DCLRE1B: variants seen among roughly 807,000 people sequenced by gnomAD.
DCLRE1B encodes the protein DNA cross-link repair 1B, also known as 5' exonuclease Apollo.
In DCLRE1B, 6 loss-of-function variants were observed where a neutral mutation model predicts 19.8. That is an observed-to-expected ratio of 0.30 (90% CI 0.17 to 0.60). DCLRE1B has a LOEUF of 0.60. Ranked by LOEUF, DCLRE1B falls within the 20% of genes least tolerant of loss-of-function variation. The probability of loss-of-function intolerance (pLI) is 0.87; values close to 1 mark genes in which losing one functional copy is unlikely to be tolerated. For synonymous variants in DCLRE1B, 258 were observed against 255.7 expected, an observed-to-expected ratio of 1.01 and a Z score of -0.09; for missense variants, 622 against 654.2, an observed-to-expected ratio of 0.95 and a Z score of 0.54.
chr1:113,907,403 G>A (rs759815096), intron 2 of DCLRE1B, among the ~76,000 whole-genome samples: 2 of 151,690 alleles, frequency 1.3e-5, no homozygotes, highest in African/African-American at 4.9e-5. Context: ...TGGAGGCGCT[G>A]GAGGCCTTCT....
Position 113,912,137 on chromosome 1 carries a change from G to A in DCLRE1B, c.1545G>A (p.Gly515=), listed in dbSNP as rs941998508. 6.2e-7 allele frequency: 1 copy of A among 1,614,122 alleles called. No homozygotes were observed. Among genetic ancestry groups the A allele is most frequent in the Non-Finnish European group, 8.5e-7 (1 of 1,180,022 alleles). Residue 515 remains glycine (G), a synonymous_variant, in exon 4 of 4, where the codon GGG becomes GGA. Transcript: ENST00000650450. The part of the protein sequence containing the change: ...LLTPVNFFQA[G]YSSRRFDQQV... ...CTCCAGTGAACTTTTTCCAGGCAGGGTATTCTTCCAGGAGATTTGACCAGC... is the reference window on the plus strand; with the variant it reads ...CTCCAGTGAACTTTTTCCAGGCAGGATATTCTTCCAGGAGATTTGACCAGC...
In DCLRE1B at chr1:113,913,603, G is replaced by A. The variant is rs1374339515; in HGVS notation, c.*1412G>A. 1 of 152,618 alleles carries A rather than the reference G, an allele frequency of 6.6e-6. No homozygotes were observed. Among genetic ancestry groups the A allele is most frequent in the Non-Finnish European group, 1.5e-5 (1 of 68,040 alleles). The allele number at this position is 152,618 out of a possible 1,614,324, so 9.5% of individuals were successfully genotyped here. On this transcript the variant is annotated 3_prime_UTR_variant, in exon 4 of 4. Transcript: ENST00000650450. ...AGCCTAGTTCCTCATCTGTAAGATG[G>A]ACTTGAGATTCCTACCTCTCATGAT... is the stretch of plus-strand genomic sequence containing the variant.
At chr1:113,906,952 G>A (rs759237405) in intron 1 of DCLRE1B, 44 bp from the exon 2 acceptor site, 13 of 1,608,334 alleles carry the variant, frequency 8.1e-6, no homozygotes, top group Admixed American at 1.7e-5. Flanking sequence ...GGGAGGTAAC[G>A]GAGAGGAGTC....
At chr1:113,907,204 G>GTGTTTT in intron 2 of DCLRE1B, 43 bp downstream of exon 2, 1 of 491,100 alleles carries the variant, frequency 2.0e-6, no homozygotes, top group South Asian at 4.7e-5. Context: ...CAGACTAGAT[G>GTGTTTT]TTTTTTTTTT....
chr1:113,904,992 T>C (rs1178763474), upstream of DCLRE1B: 3 of 451,052 alleles, frequency 6.7e-6, no homozygotes, highest in Non-Finnish European at 1.2e-5. Context: ...CCGCTACTTC[T>C]AGGTCCTCCG....
At chr1:113,907,234 T>TTTTTTTTTTA (rs369506973) in intron 2 of DCLRE1B, 73 bp downstream of exon 2, 33 of 991,284 alleles carry the variant, frequency 3.3e-5, no homozygotes, top group South Asian at 7.7e-5. Context: ...TTTTTTTTTT[T>TTTTTTTTTTA]AATGTATAGA....
intron 1 of DCLRE1B, 68 bp downstream of exon 1, chr1:113,905,843 C>T (rs1668906431): frequency 2.0e-6 from 3 of 1,505,216 alleles, no homozygotes; most frequent in Non-Finnish European, 2.7e-6. Context: ...ACCTGTCATT[C>T]TTGGAGTCAT....
chr1:113,905,006 G>A, upstream of DCLRE1B: 1 of 438,924 alleles, frequency 2.3e-6, no homozygotes, highest in Admixed American at 3.5e-5. Flanking sequence ...TCCTCCGCCG[G>A]ATTTCCAGCG....
intron 1 of DCLRE1B, among the ~76,000 whole-genome samples, chr1:113,906,275 C>T (rs917163676): frequency 1.3e-5 from 2 of 151,498 alleles, no homozygotes; most frequent in African/African-American, 4.9e-5. Flanking sequence ...CCAGGCTGTT[C>T]TCTAACTCCT....
At chr1:113,904,832 G>A, upstream of DCLRE1B, 2 of 935,424 alleles carry the variant, frequency 2.1e-6, no homozygotes, top group Non-Finnish European at 3.5e-6. Context: ...AATACAAAAG[G>A]CGAGATCTCG....
rs1669355700 is a variant in DCLRE1B, at chr1:113,913,897, T to G, written c.*1706T>G. The G allele has an allele frequency of 6.6e-6, 1 of 152,216 alleles. No homozygotes were observed. The highest frequency in any genetic ancestry group is 1.5e-5 in the Non-Finnish European group (1 of 68,036). The allele number at this position is 152,216 out of a possible 1,614,324, so 9.4% of individuals were successfully genotyped here. On this transcript the variant is annotated 3_prime_UTR_variant, in exon 4 of 4. Transcript: ENST00000650450. ...AGTTGAGGTAATATTGTATAGAATT[T>G]TATAGCCTACATTTTAATTTCTTGA...
chr1:113,907,227 T>TG, intron 2 of DCLRE1B, 66 bp downstream of exon 2: 1 of 1,280,024 alleles, frequency 7.8e-7, no homozygotes, highest in South Asian at 1.6e-5. Flanking sequence ...TTTTTTTTTT[T>TG]TTTTTTTAAT....
Position 113,905,744 on chromosome 1 carries a change from T to C in DCLRE1B, c.158T>C (p.Ile53Thr). ...TWARPLYCSP[I>T]TAHLLHRHLQ... ...GCCCGGCCCCTCTACTGCTCCCCAATTACAGCCCACCTCTTGCATCGTCAC... is the reference window on the plus strand; with the variant it reads ...GCCCGGCCCCTCTACTGCTCCCCAACTACAGCCCACCTCTTGCATCGTCAC... Residue 53 changes from isoleucine (I) to threonine (T), a missense_variant, in exon 1 of 4, where the codon ATT becomes ACT. Ile to Thr is a moderately conservative substitution (Grantham distance 89, BLOSUM62 -1). Coordinates refer to ENST00000650450, the MANE Select transcript of DCLRE1B (RefSeq NM_022836.4). The C allele has an allele frequency of 6.2e-7, 1 of 1,613,904 alleles. No individual in the cohort carries two copies. Among genetic ancestry groups the C allele is most frequent in the African/African-American group, 1.3e-5 (1 of 75,010 alleles).
Position 113,911,468 on chromosome 1 carries a change from C to T in DCLRE1B, c.876C>T (p.Cys292=), listed in dbSNP as rs771795074. The T allele has an allele frequency of 1.9e-6, 3 of 1,614,162 alleles. No individual in the cohort carries two copies. The East Asian group carries it at 6.7e-5, about 36-fold the overall frequency. The change falls in exon 4 of 4, where the codon TGC becomes TGT. Residue 292 remains cysteine (C), a synonymous_variant. Coordinates refer to ENST00000650450, the MANE Select transcript of DCLRE1B (RefSeq NM_022836.4). ...CCTTTGTCGCAGCACTGAAGCCTTG[C>T]CAGGTGGTGCCCATTGTAAGTCGGC... ...LRAFVAALKP[C]QVVPIVSRRP...
intron 1 of DCLRE1B, among the ~76,000 whole-genome samples, chr1:113,906,132 C>T (rs1008520353): frequency 7.2e-6 from 1 of 138,434 alleles, no homozygotes; most frequent in Non-Finnish European, 1.5e-5. Flanking sequence ...TCTCGGCTCA[C>T]TGCAGCCTCC....
At position 113,912,373 on chromosome 1, in the gene DCLRE1B, A is replaced by G; in HGVS notation, c.*182A>G. On this transcript the variant is annotated 3_prime_UTR_variant, in exon 4 of 4. Transcript: ENST00000650450. Reference sequence around the variant, plus strand: ...TTCACTGGGGTCCTCGTGCCTATGGAATCCTTCTTTTTATAACTAAGTTTA... The same window carrying G: ...TTCACTGGGGTCCTCGTGCCTATGGGATCCTTCTTTTTATAACTAAGTTTA... The G allele has an allele frequency of 1.9e-6, 1 of 522,256 alleles. No individual in the cohort carries two copies. The highest frequency in any genetic ancestry group is 3.0e-5 in the East Asian group (1 of 32,860). 32.4% of individuals were successfully genotyped at this position (522,256 alleles called of 1,614,324 possible).
upstream of DCLRE1B, chr1:113,904,781 C>A (rs943945421): frequency 1.4e-4 from 191 of 1,336,566 alleles, no homozygotes; most frequent in Admixed American, 1.3e-4. Context: ...CCTTCTCGTC[C>A]TGATGTGGGA....
rs1240032452 is a variant in DCLRE1B at position 113,908,120 on chromosome 1, C to T, written c.467C>T (p.Pro156Leu). The change falls in exon 3 of 4, where the codon CCT (proline) becomes CTT (leucine). Residue 156 changes from proline to leucine, a missense_variant. Around this residue, in one of 3 missense-constraint regions of DCLRE1B, gnomAD observed 237 missense variants for 223.8 expected, o/e 1.06. Coordinates refer to ENST00000650450, the MANE Select transcript of DCLRE1B (RefSeq NM_022836.4). ...NTNCNPALVL[P>L]SRQEAAHQIV... ...AATTGCAATCCAGCCCTGGTTCTTC[C>T]TTCCCGACAAGAAGCTGCCCACCAG... The T allele has an allele frequency of 6.2e-7, 1 of 1,614,212 alleles. No homozygotes were observed. Among genetic ancestry groups the T allele is most frequent in the South Asian group, 1.1e-5 (1 of 91,078 alleles).
chr1:113,905,895 C>T (rs1396103825), intron 1 of DCLRE1B, 120 bp downstream of exon 1: 6 of 1,172,102 alleles, frequency 5.1e-6, no homozygotes, highest in Middle Eastern at 2.1e-4. Flanking sequence ...TTGTTTGAAC[C>T]CAAAAATGCA....
Sources: gnomAD v4.1 joint callset for allele counts (sites outside exome capture counted in the v4.1 genomes callset) on GRCh38, gnomAD v4.1.1 for gene constraint, gnomAD v4.1.1 regional missense constraint, MANE v1.5 for transcripts, NCBI Gene and HGNC (gene_info 2026-07-23, HGNC 2026-07-21) for gene names.